The following GPC5 variants were observed in gnomAD, a reference collection of about 807,000 sequenced individuals.
The protein encoded by GPC5 is glypican-5.
GPC5 carries 47 observed loss-of-function variants against 53.9 expected under a neutral mutation model. The observed-to-expected ratio is 0.87, with a 90% CI of 0.69 to 1.11. GPC5 has a LOEUF of 1.11. GPC5 is among the 50% of genes most tolerant of loss of function. The pLI, the probability that GPC5 is intolerant of heterozygous loss-of-function variation, is 0.00. For missense variants in GPC5, 748 were observed against 713.1 expected, an observed-to-expected ratio of 1.05 and a Z score of -0.56; for synonymous variants, 286 against 263.3, an observed-to-expected ratio of 1.09 and a Z score of -0.84.
chr13:92,123,203 G>A (rs971926023), intron 6 of GPC5, among the ~76,000 whole-genome samples: 10 of 151,822 alleles, frequency 6.6e-5, no homozygotes, highest in African/African-American at 2.4e-4. Flanking sequence ...TCAGGAGTTT[G>A]AAACCAGCCT....
intron 5 of GPC5, among the ~76,000 whole-genome samples, chr13:91,822,470 G>A (rs1254521710): frequency 1.3e-5 from 2 of 152,170 alleles, no homozygotes; most frequent in Non-Finnish European, 2.9e-5. Context: ...TCGTCAGTAA[G>A]CAAGTTAAAT....
chr13:92,716,181 G>A (rs1888322117), intron 7 of GPC5, among the ~76,000 whole-genome samples: 1 of 151,812 alleles, frequency 6.6e-6, no homozygotes, highest in Admixed American at 6.6e-5. Context: ...ATACAATCTG[G>A]TGCTAATAAT....
chr13:91,952,370 C>T (rs1465188469), intron 6 of GPC5, among the ~76,000 whole-genome samples: 1 of 151,972 alleles, frequency 6.6e-6, no homozygotes, highest in African/African-American at 2.4e-5. Flanking sequence ...ACCTGTTTAC[C>T]CTGCAATTAA....
At chr13:91,839,010 T>G (rs1356705300) in intron 5 of GPC5, among the ~76,000 whole-genome samples, 1 of 152,172 alleles carries the variant, frequency 6.6e-6, no homozygotes, top group Non-Finnish European at 1.5e-5. Context: ...AAAAATATGA[T>G]TACTCTGTAT....
Position 92,538,605 on chromosome 13 carries a change from C to A in GPC5, c.1562-327677C>A, listed in dbSNP as rs184137364. Reference sequence around the variant, plus strand: ...TTAGGTATTTCTCCTAATGCTATCCCTCCCCTTGCAACTCACCACCCAGCA... The same window carrying A: ...TTAGGTATTTCTCCTAATGCTATCCATCCCCTTGCAACTCACCACCCAGCA... On this transcript the variant is annotated intron_variant, in intron 7 of 7. Transcript: ENST00000377067. Among the ~76,000 whole-genome samples, 252 of 146,580 alleles carry A rather than the reference C, an allele frequency of 1.7e-3. 2 individuals are homozygous for A. Among genetic ancestry groups the A allele is most frequent in the African/African-American group, 5.2e-3 (207 of 39,700 alleles).
chr13:92,857,532 C>T (rs182038103), intron 7 of GPC5, among the ~76,000 whole-genome samples: 1 of 151,986 alleles, frequency 6.6e-6, no homozygotes, highest in Non-Finnish European at 1.5e-5. Flanking sequence ...TAAACAGACA[C>T]CTTACATAAT....
intron 6 of GPC5, among the ~76,000 whole-genome samples, chr13:91,912,591 C>T (rs2039619508): frequency 6.6e-6 from 1 of 152,090 alleles, no homozygotes; most frequent in Admixed American, 6.5e-5. Context: ...ATGAACTGCT[C>T]ACCTGACCAC....
intron 7 of GPC5, among the ~76,000 whole-genome samples, chr13:92,815,884 A>G (rs1877455891): frequency 6.6e-6 from 1 of 151,966 alleles, no homozygotes; most frequent in African/African-American, 2.4e-5. Flanking sequence ...ATAGGGGAAA[A>G]ACAGTTTTGG....
intron 6 of GPC5, among the ~76,000 whole-genome samples, chr13:92,140,970 AAGAAGT>A (rs1325074755): frequency 6.6e-6 from 1 of 152,204 alleles, no homozygotes; most frequent in Admixed American, 6.5e-5. Context: ...GAAAGAGACT[AAGAAGT>A]AGGGGATTTA....
In GPC5 at chr13:91,560,573, T is replaced by C. The variant is rs534499433; in HGVS notation, c.325+111651T>C. On this transcript the variant is annotated intron_variant, in intron 2 of 7. Transcript: ENST00000377067. ...TGGTCACAGTGTCCATGAGAACAAA[T>C]AGATAGGTAGCCCACTGGAGTATAG... Among the ~76,000 whole-genome samples, 6 of 152,136 alleles carry C rather than the reference T, an allele frequency of 3.9e-5. No individual in the cohort carries two copies. In the South Asian group the frequency reaches 6.2e-4, roughly 16 times the overall value.
intron 7 of GPC5, among the ~76,000 whole-genome samples, chr13:92,831,577 G>C (rs577763266): frequency 2.6e-4 from 39 of 152,192 alleles, no homozygotes; most frequent in African/African-American, 9.1e-4. Context: ...TAGAATCATA[G>C]AGACAAAGAC....
In GPC5 at chr13:91,693,255, A is replaced by G; in HGVS notation, c.394A>G (p.Asn132Asp). 6.2e-7 allele frequency: 1 copy of G among 1,614,164 alleles called. No individual in the cohort carries two copies. Among genetic ancestry groups the G allele is most frequent in the Non-Finnish European group, 8.5e-7 (1 of 1,180,020 alleles). The change falls in exon 3 of 8, where the codon AAC (asparagine) becomes GAC (aspartate). Residue 132 changes from asparagine (N) to aspartate (D), a missense_variant. By Grantham distance (23) the Asn-to-Asp change is conservative. Transcript: ENST00000377067. Reference sequence around the variant, plus strand: ...TATACTTTTTTGCAGTACCTACAGGAACATGGCCTTGGAGGCTGCTGCTTC... The same window carrying G: ...TATACTTTTTTGCAGTACCTACAGGGACATGGCCTTGGAGGCTGCTGCTTC... Reference protein sequence around the residue: ...TSILFCSTYRNMALEAAASVQ... With the variant: ...TSILFCSTYRDMALEAAASVQ...
chr13:92,760,136 T>C (rs1215627796), intron 7 of GPC5, among the ~76,000 whole-genome samples: 3 of 152,152 alleles, frequency 2.0e-5, no homozygotes, highest in African/African-American at 7.2e-5. Flanking sequence ...ATTTGGCCTA[T>C]AGTTTATTTT....
intron 7 of GPC5, among the ~76,000 whole-genome samples, chr13:92,282,961 G>C (rs544447226): frequency 3.9e-5 from 6 of 152,170 alleles, no homozygotes; most frequent in Admixed American, 1.3e-4. Context: ...TTGGATAAAA[G>C]AGTCAAGACC....
chr13:92,658,724 A>G (rs1384534002), intron 7 of GPC5, among the ~76,000 whole-genome samples: 2 of 152,154 alleles, frequency 1.3e-5, no homozygotes, highest in African/African-American at 4.8e-5. Context: ...ATAAGGAAAT[A>G]GAGATGAGGA....
chr13:91,431,868 A>G (rs147538992), intron 1 of GPC5, among the ~76,000 whole-genome samples: 332 of 152,310 alleles, frequency 2.2e-3, no homozygotes, highest in African/African-American at 7.7e-3. Context: ...GTTTCTTTCC[A>G]TCTCACCTCT....
At chr13:92,275,020 T>C (rs1380006365) in intron 7 of GPC5, among the ~76,000 whole-genome samples, 1 of 152,172 alleles carries the variant, frequency 6.6e-6, no homozygotes. Context: ...TACAGAAATA[T>C]GCAGAAAATC....
intron 7 of GPC5, among the ~76,000 whole-genome samples, chr13:92,203,091 C>T (rs1012142030): frequency 1.4e-4 from 22 of 152,032 alleles, no homozygotes; most frequent in African/African-American, 5.1e-4. Context: ...GGATGTGGAG[C>T]CCAGATCTTT....
At chr13:92,441,115 C>T (rs753598200) in intron 7 of GPC5, among the ~76,000 whole-genome samples, 5 of 152,084 alleles carry the variant, frequency 3.3e-5, no homozygotes, top group African/African-American at 7.2e-5. Context: ...TTTGTGACCC[C>T]GGCTGGGGTG....
Sources: gnomAD v4.1 joint callset for allele counts (sites outside exome capture counted in the v4.1 genomes callset) on GRCh38, gnomAD v4.1.1 for gene constraint, MANE v1.5 for transcripts, NCBI Gene and HGNC (gene_info 2026-07-23, HGNC 2026-07-21) for gene names.